The following CCDC81 variants were observed in gnomAD, a reference collection of about 807,000 sequenced individuals.
CCDC81 encodes the protein coiled-coil domain-containing protein 81.
In CCDC81, 79 loss-of-function variants were observed where a neutral mutation model predicts 83.7. The observed-to-expected ratio is 0.94, with a 90% CI of 0.79 to 1.14. The LOEUF (loss-of-function observed/expected upper bound fraction) is 1.14. Among genes scored for constraint, CCDC81 ranks in the 50% most tolerant of loss-of-function variants. The pLI, the probability that CCDC81 is intolerant of heterozygous loss-of-function variation, is 0.00. For missense variants in CCDC81, 791 were observed against 778.1 expected, an observed-to-expected ratio of 1.02 and a Z score of -0.20; for synonymous variants, 252 against 278.1, an observed-to-expected ratio of 0.91 and a Z score of 0.93.
chr11:86,378,162 T>G (rs1948124532), intron 1 of CCDC81, among the ~76,000 whole-genome samples: 1 of 152,130 alleles, frequency 6.6e-6, no homozygotes, highest in Admixed American at 6.5e-5. Flanking sequence ...CAATACACAC[T>G]GTCTTGATGA....
chr11:86,381,881 G>A (rs764471510), intron 1 of CCDC81, among the ~76,000 whole-genome samples: 12 of 152,098 alleles, frequency 7.9e-5, no homozygotes, highest in African/African-American at 1.9e-4. Flanking sequence ...AGAATGAGTT[G>A]GAATTAAGTA....
At chr11:86,397,816 G>T in intron 6 of CCDC81, 74 bp downstream of exon 6, 1 of 1,482,916 alleles carries the variant, frequency 6.7e-7, no homozygotes, top group East Asian at 2.4e-5. Context: ...TTAGCCCAAG[G>T]TAAATAAAGT....
chr11:86,416,663 A>G (rs1948723808), intron 13 of CCDC81, among the ~76,000 whole-genome samples: 1 of 152,224 alleles, frequency 6.6e-6, no homozygotes, highest in South Asian at 2.1e-4. Flanking sequence ...AGCTCTGAAC[A>G]CATCCCTGTT....
At chr11:86,418,795 A>G (rs1264515624) in intron 13 of CCDC81, among the ~76,000 whole-genome samples, 1 of 152,204 alleles carries the variant, frequency 6.6e-6, no homozygotes, top group Non-Finnish European at 1.5e-5. Context: ...TTGGGTGCAT[A>G]ACATGAATGT....
At chr11:86,411,453 G>A (rs921043016) in intron 10 of CCDC81, among the ~76,000 whole-genome samples, 3 of 152,168 alleles carry the variant, frequency 2.0e-5, no homozygotes, top group Non-Finnish European at 4.4e-5. Context: ...TATCTTAAAT[G>A]ACCTGATGTA....
chr11:86,415,192 C>G lies in CCDC81; in HGVS notation c.1570C>G (p.Arg524Gly), dbSNP rs147662103. 2 of 1,614,104 alleles carry G rather than the reference C, an allele frequency of 1.2e-6. No individual in the cohort carries two copies. Among genetic ancestry groups the G allele is most frequent in the Non-Finnish European group, 8.5e-7 (1 of 1,180,026 alleles). Residue 524 changes from arginine to glycine, a missense_variant, in exon 13 of 15, where the codon CGA becomes GGA. Physicochemically the swap from Arg to Gly is moderately radical, Grantham distance 125. Coordinates refer to ENST00000445632, the MANE Select transcript of CCDC81 (RefSeq NM_001156474.2). ...TGAACTGATGGTGGAAAAGCAAAAG[C>G]GAGAACAAAATTACATGAAACACCA... ...EGELMVEKQK[R>G]EQNYMKHQLE...
At chr11:86,404,197 G>GC (rs1718445436) in intron 7 of CCDC81, among the ~76,000 whole-genome samples, 1 of 151,964 alleles carries the variant, frequency 6.6e-6, no homozygotes, top group Non-Finnish European at 1.5e-5. Flanking sequence ...ATCAGCATTC[G>GC]CCCCACCCCA....
chr11:86,385,226 A>G (rs1217467753), intron 1 of CCDC81, among the ~76,000 whole-genome samples: 1 of 152,148 alleles, frequency 6.6e-6, no homozygotes, highest in African/African-American at 2.4e-5. Flanking sequence ...TGTCTCTACT[A>G]AAAGTACAAT....
chr11:86,407,737 T>C (rs772290912), intron 8 of CCDC81, 36 bp downstream of exon 8: 6 of 1,482,184 alleles, frequency 4.0e-6, no homozygotes, highest in Non-Finnish European at 3.7e-6. Context: ...CCCATCAGAA[T>C]CTTATACTGA....
rs1344016215 is a variant in CCDC81 at position 86,412,443 on chromosome 11, A to G, written c.1275A>G (p.Gln425=). ...GTCCTGCGCTTAATGCTCTTAAGCA[A>G]GAGGAATATTCCCGGAGTCTCCTGA... The part of the protein sequence containing the change: ...PLSPALNALK[Q]EEYSRSLLKQ... Residue 425 remains glutamine (Q), a synonymous_variant, in exon 11 of 15, where the codon CAA becomes CAG. Coordinates refer to ENST00000445632, the MANE Select transcript of CCDC81 (RefSeq NM_001156474.2). 2 of 1,613,622 alleles carry G rather than the reference A, an allele frequency of 1.2e-6. No homozygotes were observed. Among genetic ancestry groups the G allele is most frequent in the East Asian group, 4.5e-5 (2 of 44,898 alleles).
chr11:86,408,023 A>T, intron 8 of CCDC81, 104 bp from the exon 9 acceptor site: 3 of 1,107,968 alleles, frequency 2.7e-6, no homozygotes, highest in Non-Finnish European at 2.6e-6. Flanking sequence ...TCCATTAATA[A>T]TAGGTTTCTT....
At chr11:86,413,144 C>T (rs1195201757) in intron 11 of CCDC81, among the ~76,000 whole-genome samples, 1 of 152,122 alleles carries the variant, frequency 6.6e-6, no homozygotes, top group Non-Finnish European at 1.5e-5. Flanking sequence ...CCCGGGTTCC[C>T]CTCCAACCAC....
Position 86,397,694 on chromosome 11 carries a change from A to G in CCDC81, c.709A>G (p.Arg237Gly). Residue 237 changes from arginine to glycine, a missense_variant, in exon 6 of 15, where the codon AGG becomes GGG. Coordinates refer to ENST00000445632, the MANE Select transcript of CCDC81 (RefSeq NM_001156474.2). ...LVEECGENRERKCKLKDQSDK... is the reference protein window; with the variant it reads ...LVEECGENREGKCKLKDQSDK... ...AGAAGAATGTGGAGAGAATAGAGAA[A>G]GGAAGTGCAAGTTAAAAGACCAGTC... The G allele has an allele frequency of 6.2e-7, 1 of 1,613,950 alleles. No individual in the cohort carries two copies. Among genetic ancestry groups the G allele is most frequent in the South Asian group, 1.1e-5 (1 of 91,050 alleles).
intron 3 of CCDC81, among the ~76,000 whole-genome samples, chr11:86,388,233 C>T (rs1446538575): frequency 6.6e-6 from 1 of 151,242 alleles, no homozygotes; most frequent in Non-Finnish European, 1.5e-5. Context: ...TCCTTCCTTC[C>T]TTCTTCAAAT....
At chr11:86,382,628 T>G (rs1231887217) in intron 1 of CCDC81, among the ~76,000 whole-genome samples, 1 of 152,118 alleles carries the variant, frequency 6.6e-6, no homozygotes, top group Non-Finnish European at 1.5e-5. Context: ...TCTGGGTCTG[T>G]AAATAAACAT....
At chr11:86,416,606 A>C (rs1166869123) in intron 13 of CCDC81, among the ~76,000 whole-genome samples, 1 of 152,220 alleles carries the variant, frequency 6.6e-6, no homozygotes, top group Non-Finnish European at 1.5e-5. Context: ...CCTTACTGGG[A>C]GAATTAGATG....
Position 86,375,077 on chromosome 11 carries a change from G to T in CCDC81, c.-87G>T. 1 of 1,174,550 alleles carries T rather than the reference G, an allele frequency of 8.5e-7. No homozygotes were observed. 72.8% of individuals were successfully genotyped at this position (1,174,550 alleles called of 1,614,324 possible). On this transcript the variant is annotated 5_prime_UTR_variant, in exon 1 of 15. It adds an upstream start codon to the 5' untranslated region. Transcript: ENST00000445632. ...AAAGCTCCGTGGAGAAGGGGCTGGA[G>T]GGTGGGAAAATTATTTTTGTGCACA...
chr11:86,392,417 C>T (rs890320580), intron 3 of CCDC81, 124 bp from the exon 4 acceptor site: 3 of 1,142,862 alleles, frequency 2.6e-6, no homozygotes, highest in Non-Finnish European at 3.6e-6. Flanking sequence ...CAACTAAAAG[C>T]TTCATCCAGA....
chr11:86,392,429 G>C (rs1948343837), intron 3 of CCDC81, 112 bp from the exon 4 acceptor site: 1 of 1,255,694 alleles, frequency 8.0e-7, no homozygotes, highest in Non-Finnish European at 1.1e-6. Flanking sequence ...TCATCCAGAA[G>C]ATTCTATTTT....
Sources: allele counts gnomAD v4.1 joint callset (sites outside exome capture counted in the v4.1 genomes callset), GRCh38; gene constraint gnomAD v4.1.1; transcripts MANE v1.5; gene names NCBI Gene and HGNC (gene_info 2026-07-23, HGNC 2026-07-21).